Variants in TMEM131 observed in about 807,000 individuals in gnomAD.
TMEM131 encodes the protein 2610524E03Rik.
TMEM131 carries 66 observed loss-of-function variants against 211.6 expected under a neutral mutation model. That is an observed-to-expected ratio of 0.31 (90% CI 0.26 to 0.38). The LOEUF (loss-of-function observed/expected upper bound fraction) is 0.38. Ranked by LOEUF, TMEM131 falls within the 10% of genes least tolerant of loss-of-function variation. The probability of loss-of-function intolerance (pLI) is 1.00; values close to 1 mark genes in which losing one functional copy is unlikely to be tolerated. For synonymous variants in TMEM131, 844 were observed against 841.3 expected, an observed-to-expected ratio of 1.00 and a Z score of -0.06; for missense variants, 2,036 against 2,299.3, an observed-to-expected ratio of 0.89 and a Z score of 2.34.
chr2:97,791,924 G>A (rs1680515885), intron 31 of TMEM131, among the ~76,000 whole-genome samples: 1 of 152,168 alleles, frequency 6.6e-6, no homozygotes, highest in Non-Finnish European at 1.5e-5. Context: ...ACCAACAAAT[G>A]AGCATGGTTC....
chr2:97,923,742 T>C (rs1676853560), intron 2 of TMEM131, among the ~76,000 whole-genome samples: 1 of 151,422 alleles, frequency 6.6e-6, no homozygotes, highest in Admixed American at 6.6e-5. Context: ...TCTGGCAGGA[T>C]AGTGAAAAAA....
rs1472882224 is a variant in TMEM131 at position 97,796,287 on chromosome 2, T to C, written c.3131A>G (p.Tyr1044Cys). ...IEISGYSCEG[Y>C]GFKVVNCQEF... is the part of the protein sequence containing the mutation. ...TTGACAATTAACAACTTTAAAGCCA[T>C]ATCCTTCACATGAGTATCCACTGAT... The change falls in exon 28 of 41, where the codon TAT becomes TGT. Residue 1044 changes from tyrosine to cysteine, a missense_variant. Tyr to Cys is a radical substitution (Grantham distance 194). This residue lies in a region of TMEM131 where 1,623 missense variants were observed against 1,805.9 expected (regional missense o/e 0.90). Coordinates refer to ENST00000186436, the MANE Select transcript of TMEM131 (RefSeq NM_015348.2). 6 of 1,573,218 alleles carry C rather than the reference T, an allele frequency of 3.8e-6. No homozygotes were observed. The highest frequency in any genetic ancestry group is 1.4e-5 in the African/African-American group (1 of 73,910).
chr2:97,938,259 T>C (rs912039463), intron 1 of TMEM131, among the ~76,000 whole-genome samples: 19 of 152,064 alleles, frequency 1.2e-4, no homozygotes. Context: ...TCAAGACCCA[T>C]CAGTGTGCTG....
chr2:97,813,980 G>A lies in TMEM131; in HGVS notation c.1608C>T (p.Gly536=). 1 of 1,587,346 alleles carries A rather than the reference G, an allele frequency of 6.3e-7. No homozygotes were observed. ...KFHLPVRVYT[G]FLDYFVLPPK... ...TGGATAATATACTTACATCTAAAAA[G>A]CCTGTGTATACCCGCACGGGTAAAT... Residue 536 remains glycine, a synonymous_variant, in exon 15 of 41, where the codon GGC becomes GGT. Coordinates refer to ENST00000186436, the MANE Select transcript of TMEM131 (RefSeq NM_015348.2).
At chr2:97,836,125 T>C (rs1312635605) in intron 8 of TMEM131, among the ~76,000 whole-genome samples, 1 of 152,254 alleles carries the variant, frequency 6.6e-6, no homozygotes, top group African/African-American at 2.4e-5. Flanking sequence ...TGTGAAAGGA[T>C]ATAAATGAAC....
chr2:97,875,985 G>A (rs370530252), intron 4 of TMEM131, among the ~76,000 whole-genome samples: 5 of 152,102 alleles, frequency 3.3e-5, no homozygotes, highest in Non-Finnish European at 7.4e-5. Context: ...GACTAATAGA[G>A]AAGAATCAAA....
At chr2:97,967,386 C>T (rs1679104936) in intron 1 of TMEM131, among the ~76,000 whole-genome samples, 1 of 152,098 alleles carries the variant, frequency 6.6e-6, no homozygotes, top group South Asian at 2.1e-4. Context: ...ATGAAAGATG[C>T]ACACTGACAG....
chr2:97,983,171 A>G (rs1231240875), intron 1 of TMEM131, among the ~76,000 whole-genome samples: 2 of 151,982 alleles, frequency 1.3e-5, no homozygotes, highest in East Asian at 3.9e-4. Context: ...TTCCTTAAAA[A>G]TTACTTTTGT....
At chr2:97,811,293 T>C in intron 17 of TMEM131, 61 bp from the exon 18 acceptor site, 1 of 1,277,462 alleles carries the variant, frequency 7.8e-7, no homozygotes, top group Non-Finnish European at 1.1e-6. Context: ...CCTATTAAAA[T>C]GGACATGAAG....
At chr2:97,928,838 A>T (rs1677098773) in intron 1 of TMEM131, among the ~76,000 whole-genome samples, 1 of 151,822 alleles carries the variant, frequency 6.6e-6, no homozygotes, top group Admixed American at 6.5e-5. Context: ...GGGGGAGGCC[A>T]AAATGATCCA....
intron 13 of TMEM131, 130 bp from the exon 14 acceptor site, chr2:97,814,518 A>T: frequency 1.1e-6 from 1 of 946,734 alleles, no homozygotes; most frequent in Non-Finnish European, 1.5e-6. Flanking sequence ...ATTTAGAACT[A>T]TAATATTTTA....
intron 1 of TMEM131, among the ~76,000 whole-genome samples, chr2:97,969,098 A>AT (rs1329986790): frequency 9.9e-5 from 15 of 151,770 alleles, no homozygotes; most frequent in Non-Finnish European, 1.9e-4. Context: ...AAAAAAAAAA[A>AT]AGGAAAAGGA....
intron 1 of TMEM131, among the ~76,000 whole-genome samples, chr2:97,992,420 A>C (rs1381795827): frequency 6.6e-6 from 1 of 152,258 alleles, no homozygotes; most frequent in Non-Finnish European, 1.5e-5. Flanking sequence ...AAAAATTTTT[A>C]AAGTCCTAAT....
intron 1 of TMEM131, among the ~76,000 whole-genome samples, chr2:97,966,971 G>C (rs1020353859): frequency 2.0e-5 from 3 of 151,958 alleles, no homozygotes; most frequent in African/African-American, 7.3e-5. Flanking sequence ...GACCAAACTT[G>C]TTCCAGGGGT....
At chr2:97,919,571 T>A (rs1326800226) in intron 2 of TMEM131, among the ~76,000 whole-genome samples, 1 of 152,172 alleles carries the variant, frequency 6.6e-6, no homozygotes, top group Non-Finnish European at 1.5e-5. Context: ...CTCTTTGGCT[T>A]TGACTTTTCT....
intron 4 of TMEM131, among the ~76,000 whole-genome samples, chr2:97,870,482 A>G (rs1322664159): frequency 6.6e-6 from 1 of 152,130 alleles, no homozygotes; most frequent in African/African-American, 2.4e-5. Context: ...TTATAAACCA[A>G]GCTGAAGCAG....
At chr2:97,898,157 T>C (rs764233881) in intron 3 of TMEM131, among the ~76,000 whole-genome samples, 3 of 152,140 alleles carry the variant, frequency 2.0e-5, no homozygotes, top group African/African-American at 4.8e-5. Context: ...TTCTATTTAA[T>C]TGATTTCTAG....
Position 97,809,700 on chromosome 2 carries a change from T to G in TMEM131, c.2043A>C (p.Pro681=). The G allele has an allele frequency of 6.2e-7, 1 of 1,610,272 alleles. No individual in the cohort carries two copies. Among genetic ancestry groups the G allele is most frequent in the South Asian group, 1.1e-5 (1 of 89,850 alleles). The change falls in exon 19 of 41, where the codon CCA becomes CCC. Residue 681 remains proline (P), a synonymous_variant. Coordinates refer to ENST00000186436, the MANE Select transcript of TMEM131 (RefSeq NM_015348.2). The part of the protein sequence containing the change: ...LTCFPKHVVL[P]PSFPGKIVHQ... ...TTAATGGTCTTACTGGAAAGGAAGG[T>G]GGAAGAACCACGTGCTTAGGGAAGC...
chr2:97,898,278 T>C (rs1436461496), intron 3 of TMEM131, among the ~76,000 whole-genome samples: 7 of 152,168 alleles, frequency 4.6e-5, no homozygotes, highest in African/African-American at 1.4e-4. Flanking sequence ...TTTAAAGCTA[T>C]AAATGTCTAT....
Sources: gnomAD v4.1 joint callset for allele counts (sites outside exome capture counted in the v4.1 genomes callset) on GRCh38, gnomAD v4.1.1 for gene constraint, gnomAD v4.1.1 regional missense constraint, MANE v1.5 for transcripts, NCBI Gene and HGNC (gene_info 2026-07-23, HGNC 2026-07-21) for gene names.